OGG1: variants seen among roughly 807,000 people sequenced by gnomAD.
OGG1 encodes the protein 8-oxoguanine DNA glycosylase.
In OGG1, 35 loss-of-function variants were observed where a neutral mutation model predicts 42.3. The observed-to-expected ratio is 0.83, with a 90% CI of 0.63 to 1.10. The LOEUF is 1.10. Among genes scored for constraint, OGG1 ranks in the 50% least tolerant of loss-of-function variants. The probability of loss-of-function intolerance (pLI) is 0.00; values close to 1 mark genes in which losing one functional copy is unlikely to be tolerated. For synonymous variants in OGG1, 189 were observed against 179.0 expected (o/e 1.06, Z -0.44); for missense variants, 484 against 446.7 (o/e 1.08, Z -0.75).
chr3:9,781,544 G>A (rs181362621), exon 3 of OGG1: 13 of 456,632 alleles, frequency 2.8e-5, no homozygotes, highest in Admixed American at 9.4e-5. Context: ...GCCTGCTTAC[G>A]TCGGCATCTG....
intron 3 of OGG1, among the ~76,000 whole-genome samples, chr3:9,784,779 G>A (rs1575298695): frequency 1.3e-5 from 2 of 151,614 alleles, no homozygotes; most frequent in South Asian, 2.1e-4. Flanking sequence ...CAGGAGAATC[G>A]CTTGAACCTG....
intron 3 of OGG1, among the ~76,000 whole-genome samples, chr3:9,782,455 A>C (rs1423357477): frequency 6.6e-6 from 1 of 152,236 alleles, no homozygotes; most frequent in Admixed American, 6.5e-5. Context: ...CCTGACACAC[A>C]GTAGGCCCTC....
chr3:9,750,484 C>T, intron 1 of OGG1, 61 bp downstream of exon 1: 1 of 1,605,830 alleles, frequency 6.2e-7, no homozygotes, highest in Non-Finnish European at 8.5e-7. Flanking sequence ...CTCAACACTG[C>T]CTGGCATGGG....
chr3:9,789,139 G>C (rs894242453), downstream of OGG1, among the ~76,000 whole-genome samples: 1 of 152,142 alleles, frequency 6.6e-6, no homozygotes, highest in Admixed American at 6.6e-5. Flanking sequence ...CCCAGCCCAA[G>C]TTTTATATCT....
chr3:9,751,618 G>T, intron 2 of OGG1, 152 bp from the exon 3 acceptor site: 1 of 780,244 alleles, frequency 1.3e-6, no homozygotes, highest in Non-Finnish European at 2.3e-6. Flanking sequence ...TATGAGGAAT[G>T]AGAGGTCTGG....
chr3:9,768,531 T>C (rs137889205), downstream of OGG1, among the ~76,000 whole-genome samples: 51 of 150,782 alleles, frequency 3.4e-4, no homozygotes, highest in East Asian at 9.8e-3. Context: ...ATGGGGAGAC[T>C]GAGGTTGGAG....
chr3:9,772,533 G>C (rs1428667522), intron 2 of OGG1, among the ~76,000 whole-genome samples: 1 of 152,176 alleles, frequency 6.6e-6, no homozygotes, highest in Non-Finnish European at 1.5e-5. Context: ...TTTCTCTCCA[G>C]AGTGAACTTC....
At chr3:9,754,671 C>G (rs769975473) in intron 3 of OGG1, 33 bp from the exon 4 acceptor site, 1 of 1,610,094 alleles carries the variant, frequency 6.2e-7, no homozygotes, top group Non-Finnish European at 8.5e-7. Flanking sequence ...CTTGAAGATG[C>G]CTGATGCTTG....
chr3:9,768,218 C>A (rs1026145021), downstream of OGG1, among the ~76,000 whole-genome samples: 1 of 152,206 alleles, frequency 6.6e-6, no homozygotes. Flanking sequence ...CTCCTCCTTC[C>A]CCCGACTCCC....
At chr3:9,777,406 C>A (rs574177927) in intron 2 of OGG1, among the ~76,000 whole-genome samples, 3 of 152,300 alleles carry the variant, frequency 2.0e-5, no homozygotes, top group Admixed American at 2.0e-4. Context: ...AAGAACTCTG[C>A]CAGGGATGGT....
intron 3 of OGG1, among the ~76,000 whole-genome samples, chr3:9,784,737 C>T (rs1472861108): frequency 2.0e-5 from 3 of 151,824 alleles, no homozygotes; most frequent in Non-Finnish European, 1.5e-5. Context: ...TGGTGGCAGG[C>T]GCCTGTAATC....
chr3:9,780,627 AC>A, intron 2 of OGG1: 1 of 1,445,600 alleles, frequency 6.9e-7, no homozygotes, highest in Non-Finnish European at 9.2e-7. Flanking sequence ...GACCGAGCCT[AC>A]CCACCAGCCC....
chr3:9,750,204 CT>C lies in OGG1; in HGVS notation c.-81del. 1.3e-6 allele frequency: 2 copies of C among 1,534,544 alleles called. No individual in the cohort carries two copies. Among genetic ancestry groups the C allele is most frequent in the East Asian group, 4.5e-5 (2 of 44,344 alleles). On this transcript the variant is annotated 5_prime_UTR_variant, in exon 1 of 7. The change creates a premature stop within an existing upstream ORF in the 5' untranslated region. Transcript: ENST00000344629. ...GGGCGAGGCCTTAAGGGTCGTGGTC[CT>C]TGTCTGGGCGGGGTCTTTGGGCGTC... is the stretch of plus-strand genomic sequence containing the variant.
At position 9,751,078 on chromosome 3, in the gene OGG1, G is replaced by T; in HGVS notation, c.271G>T (p.Asp91Tyr). 1 of 1,614,108 alleles carries T rather than the reference G, an allele frequency of 6.2e-7. No individual in the cohort carries two copies. The highest frequency in any genetic ancestry group is 8.5e-7 in the Non-Finnish European group (1 of 1,179,984). ...DKSQASRPTP[D>Y]ELEAVRKYFQ... ...GAGCCAGGCTAGCAGGCCCACACCAGACGAGCTGGAGGCCGTGCGCAAGTA... is the reference window on the plus strand; with the variant it reads ...GAGCCAGGCTAGCAGGCCCACACCATACGAGCTGGAGGCCGTGCGCAAGTA... Residue 91 changes from aspartate to tyrosine, a missense_variant, in exon 2 of 7, where the codon GAC (aspartate) becomes TAC (tyrosine). Asp to Tyr is a radical substitution (Grantham distance 160). Coordinates refer to ENST00000344629, the MANE Select transcript of OGG1 (RefSeq NM_002542.6).
chr3:9,758,834 TG>T (rs2077710691), downstream of OGG1: 1 of 291,900 alleles, frequency 3.4e-6, no homozygotes, highest in Non-Finnish European at 6.7e-6. Context: ...TTTGCCATGT[TG>T]GCCAGGATGG....
chr3:9,750,516 G>A lies in OGG1; in HGVS notation c.137+93G>A, dbSNP rs1164383540. ...TGGGGTACAAAGGAATTTGGGGGATGATGGAAGAAACCCGGGGTACAAAAG... is the reference window on the plus strand; with the variant it reads ...TGGGGTACAAAGGAATTTGGGGGATAATGGAAGAAACCCGGGGTACAAAAG... On this transcript the variant is annotated intron_variant, in intron 1 of 6. Coordinates refer to ENST00000344629, the MANE Select transcript of OGG1 (RefSeq NM_002542.6). 4.5e-6 allele frequency: 7 copies of A among 1,562,704 alleles called. No individual in the cohort carries two copies. The Admixed American group carries it at 7.2e-5, about 16-fold the overall frequency.
chr3:9,787,501 T>G, intron 3 of OGG1: 1 of 1,093,032 alleles, frequency 9.1e-7, no homozygotes, highest in African/African-American at 1.6e-5. Flanking sequence ...ATAAAACCTG[T>G]ACTTCACACT....
chr3:9,760,495 A>G (rs897382749), downstream of OGG1: 11 of 639,432 alleles, frequency 1.7e-5, no homozygotes, highest in East Asian at 2.8e-5. Flanking sequence ...GGAAGTACCC[A>G]AGCAGAAGGA....
At chr3:9,788,253 C>A (rs2078661611), downstream of OGG1, 1 of 150,760 alleles carries the variant, frequency 6.6e-6, no homozygotes. Flanking sequence ...TTTATATCTT[C>A]TTTTTTTTTT....
Sources: allele counts gnomAD v4.1 joint callset (sites outside exome capture counted in the v4.1 genomes callset), GRCh38; gene constraint gnomAD v4.1.1; transcripts MANE v1.5; gene names NCBI Gene and HGNC (gene_info 2026-07-23, HGNC 2026-07-21).